Variants in GRIP1 observed in about 807,000 individuals in gnomAD.
The protein encoded by GRIP1 is glutamate receptor interacting protein 1.
A neutral mutation model predicts 129.9 loss-of-function variants in GRIP1; 45 were observed. The ratio of observed to expected loss-of-function variants is 0.35; its 90% CI spans 0.27 to 0.44. The LOEUF (loss-of-function observed/expected upper bound fraction) is 0.44, where lower values mean the gene tolerates loss of function less well. Ranked by LOEUF, GRIP1 falls within the 20% of genes least tolerant of loss-of-function variation. GRIP1 has a pLI of 1.00. For synonymous variants in GRIP1, 530 were observed against 520.8 expected, an observed-to-expected ratio of 1.02 and a Z score of -0.24; for missense variants, 1,196 against 1,396.8, an observed-to-expected ratio of 0.86 and a Z score of 2.29.
At chr12:66,786,989 G>C (rs528793417) in intron 1 of GRIP1, among the ~76,000 whole-genome samples, 10 of 152,230 alleles carry the variant, frequency 6.6e-5, no homozygotes, top group African/African-American at 2.4e-4. Flanking sequence ...CGCTGGAGAG[G>C]AAGGAGAAGA....
At chr12:67,051,089 T>G (rs1268044056) in intron 1 of GRIP1, among the ~76,000 whole-genome samples, 2 of 152,008 alleles carry the variant, frequency 1.3e-5, no homozygotes, top group Non-Finnish European at 2.9e-5. Flanking sequence ...TGGCAAGACT[T>G]AGGGTATATG....
chr12:66,550,831 G>A (rs936205143), intron 2 of GRIP1, among the ~76,000 whole-genome samples: 6 of 152,114 alleles, frequency 3.9e-5, no homozygotes, highest in East Asian at 1.9e-4. Flanking sequence ...CAGTGAAACC[G>A]CCTCTCTTCC....
intron 1 of GRIP1, among the ~76,000 whole-genome samples, chr12:67,017,599 T>C (rs1390031669): frequency 2.0e-5 from 3 of 152,214 alleles, no homozygotes; most frequent in Admixed American, 6.5e-5. Context: ...GCGGACTCTC[T>C]TTCCCTTGTA....
intron 1 of GRIP1, among the ~76,000 whole-genome samples, chr12:66,987,609 A>G (rs1566107389): frequency 6.6e-6 from 1 of 152,184 alleles, no homozygotes; most frequent in East Asian, 1.9e-4. Context: ...TCATCTTTGG[A>G]GTCCAACTGC....
intron 23 of GRIP1, among the ~76,000 whole-genome samples, chr12:66,360,140 A>G (rs2054679591): frequency 6.6e-6 from 1 of 151,928 alleles, no homozygotes; most frequent in Non-Finnish European, 1.5e-5. Context: ...AGACTAGAAT[A>G]TCTGACCTCG....
At chr12:66,794,650 T>G (rs2038644329) in intron 1 of GRIP1, among the ~76,000 whole-genome samples, 1 of 152,200 alleles carries the variant, frequency 6.6e-6, no homozygotes, top group Admixed American at 6.5e-5. Flanking sequence ...CTTTAAGCCT[T>G]AAACAATTAC....
At chr12:66,546,767 G>A (rs980506746) in intron 2 of GRIP1, among the ~76,000 whole-genome samples, 1 of 151,998 alleles carries the variant, frequency 6.6e-6, no homozygotes, top group Non-Finnish European at 1.5e-5. Flanking sequence ...AGTCAAAAAT[G>A]TAAACCATAA....
At chr12:66,827,387 T>TGTGTGTGTGTGAGAGAGTGAGAGAGA (rs755458052) in intron 1 of GRIP1, among the ~76,000 whole-genome samples, 2 of 108,226 alleles carry the variant, frequency 1.8e-5, no homozygotes, top group African/African-American at 3.6e-5. Context: ...TGTGTGTGTG[T>TGTGTGTGTGTGAGAGAGTGAGAGAGA]GAGAGAGAGA....
At chr12:66,744,660 C>T (rs575963881) in intron 1 of GRIP1, among the ~76,000 whole-genome samples, 1 of 152,250 alleles carries the variant, frequency 6.6e-6, no homozygotes, top group African/African-American at 2.4e-5. Flanking sequence ...GGCCCATCAG[C>T]CCATATATCT....
chr12:66,627,806 G>A (rs958020376), intron 1 of GRIP1, among the ~76,000 whole-genome samples: 6 of 152,084 alleles, frequency 3.9e-5, no homozygotes, highest in African/African-American at 1.4e-4. Context: ...TTTTACAAAG[G>A]AAGAAAATCT....
At chr12:66,485,135 CT>C (rs2059917100) in intron 7 of GRIP1, among the ~76,000 whole-genome samples, 1 of 152,154 alleles carries the variant, frequency 6.6e-6, no homozygotes, top group Admixed American at 6.5e-5. Flanking sequence ...TATGAATTTG[CT>C]GTCCCACCAG....
At chr12:66,546,851 G>A (rs987341606) in intron 2 of GRIP1, among the ~76,000 whole-genome samples, 5 of 137,226 alleles carry the variant, frequency 3.6e-5, no homozygotes, top group Admixed American at 1.4e-4. Flanking sequence ...TAGGTTTAGC[G>A]AAGGGTTTCT....
chr12:66,970,372 T>C (rs2089133), intron 1 of GRIP1, among the ~76,000 whole-genome samples: 106,163 of 152,138 alleles, frequency 0.7, 37,965 homozygotes, highest in African/African-American at 0.86. Flanking sequence ...ATGAGCCATG[T>C]GCCCAGCCTC....
In GRIP1 at chr12:66,585,435, T is replaced by C. The variant is rs928758567; in HGVS notation, c.136+11412A>G. ...TGTCCCTACAAAGGACATGAACTCA[T>C]CATTTTTTATGGCTGCATAGTATTC... is the stretch of plus-strand genomic sequence containing the variant. On this transcript the variant is annotated intron_variant, in intron 2 of 24. Transcript: ENST00000359742. 5.2e-4 allele frequency among the ~76,000 whole-genome samples: 71 copies of C among 135,846 alleles called. 2 individuals carry two copies. The highest frequency in any genetic ancestry group is 9.9e-4 in the Admixed American group (13 of 13,090). 89.1% of individuals were successfully genotyped at this position (135,846 alleles called of 152,430 possible). A position where few individuals can be genotyped will look rare whatever the true frequency, so the allele number is the denominator to read the frequency against.
At chr12:66,648,898 G>C (rs2032574127) in intron 1 of GRIP1, among the ~76,000 whole-genome samples, 1 of 152,180 alleles carries the variant, frequency 6.6e-6, no homozygotes, top group Non-Finnish European at 1.5e-5. Context: ...GAAAATCAAT[G>C]TGTAAGATAC....
intron 1 of GRIP1, among the ~76,000 whole-genome samples, chr12:66,940,367 T>C (rs1476859307): frequency 1.3e-5 from 2 of 152,142 alleles, no homozygotes; most frequent in Non-Finnish European, 2.9e-5. Flanking sequence ...GTAGGTGCGC[T>C]CAGTGAGTGT....
intron 1 of GRIP1, among the ~76,000 whole-genome samples, chr12:66,966,920 G>C (rs1365332488): frequency 3.9e-5 from 6 of 152,120 alleles, no homozygotes; most frequent in Admixed American, 6.5e-5. Context: ...TTAAGGAGTG[G>C]AAAATTACCA....
At chr12:66,896,149 C>T (rs1459605093) in intron 1 of GRIP1, among the ~76,000 whole-genome samples, 3 of 152,166 alleles carry the variant, frequency 2.0e-5, no homozygotes, top group Non-Finnish European at 4.4e-5. Flanking sequence ...CTGCAAGAGA[C>T]TGGAGCTTGC....
intron 1 of GRIP1, among the ~76,000 whole-genome samples, chr12:66,840,758 C>A (rs1192529763): frequency 6.6e-6 from 1 of 152,188 alleles, no homozygotes; most frequent in African/African-American, 2.4e-5. Context: ...GTCATTTGGG[C>A]TGCCTGAGAG....
Sources: gnomAD v4.1 joint callset for allele counts (sites outside exome capture counted in the v4.1 genomes callset) on GRCh38, gnomAD v4.1.1 for gene constraint, MANE v1.5 for transcripts, NCBI Gene and HGNC (gene_info 2026-07-23, HGNC 2026-07-21) for gene names.